NR3C2: variants seen among roughly 807,000 people sequenced by gnomAD.
NR3C2 encodes the protein nuclear receptor subfamily 3 group C member 2.
Under a neutral mutation model 86.4 loss-of-function variants are expected in NR3C2, and 15 were observed. The ratio of observed to expected loss-of-function variants is 0.17; its 90% CI spans 0.12 to 0.27. The LOEUF is 0.27. Ranked by LOEUF, NR3C2 falls within the 10% of genes least tolerant of loss-of-function variation. The probability of loss-of-function intolerance (pLI) is 1.00; values close to 1 mark genes in which losing one functional copy is unlikely to be tolerated. For synonymous variants in NR3C2, 458 were observed against 450.5 expected (o/e 1.02, Z -0.21); for missense variants, 960 against 1,195.6 (o/e 0.80, Z 2.91).
At chr4:148,182,659 C>T (rs535506691) in intron 4 of NR3C2, among the ~76,000 whole-genome samples, 1 of 152,278 alleles carries the variant, frequency 6.6e-6, no homozygotes, top group South Asian at 2.1e-4. Flanking sequence ...ACTGCAGATG[C>T]CAGCTAAACA....
chr4:148,136,335 GTGGGGGACCAGTCA>G (rs1733342162), intron 6 of NR3C2, among the ~76,000 whole-genome samples: 1 of 151,706 alleles, frequency 6.6e-6, no homozygotes, highest in Non-Finnish European at 1.5e-5. Flanking sequence ...AGGAGAAAGA[GTGGGGGACCAGTCA>G]TGGAGAGAAG....
chr4:148,251,287 C>G (rs760488162), intron 3 of NR3C2, among the ~76,000 whole-genome samples: 4 of 152,248 alleles, frequency 2.6e-5, no homozygotes, highest in African/African-American at 4.8e-5. Flanking sequence ...CTTCCATCAC[C>G]TGCCTCCTCT....
In NR3C2 at chr4:148,167,094, A is replaced by G. The variant is rs188213892; in HGVS notation, c.2015-12193T>C. Reference sequence around the variant, plus strand: ...CTTCATTTAAAACAAAGTCTGCTGCATGTGGTGATTTTCACACTTATATTC... The same window carrying G: ...CTTCATTTAAAACAAAGTCTGCTGCGTGTGGTGATTTTCACACTTATATTC... On this transcript the variant is annotated intron_variant, in intron 4 of 8. Transcript: ENST00000358102. Among the ~76,000 whole-genome samples, 207 of 152,292 alleles carry G rather than the reference A, an allele frequency of 1.4e-3. 1 individual carries two copies. The highest frequency in any genetic ancestry group is 4.7e-3 in the African/African-American group (196 of 41,574).
intron 2 of NR3C2, among the ~76,000 whole-genome samples, chr4:148,265,937 C>T (rs924431757): frequency 2.0e-5 from 3 of 151,470 alleles, no homozygotes; most frequent in Non-Finnish European, 2.9e-5. Context: ...ATAGTCATGG[C>T]GAATAGAGAG....
chr4:148,169,294 T>TC (rs1735019045), intron 4 of NR3C2, among the ~76,000 whole-genome samples: 1 of 152,174 alleles, frequency 6.6e-6, no homozygotes. Flanking sequence ...ACTTTTTTTT[T>TC]CTCACTTGGT....
chr4:148,351,776 T>G (rs1297270964), intron 2 of NR3C2, among the ~76,000 whole-genome samples: 1 of 152,120 alleles, frequency 6.6e-6, no homozygotes, highest in Non-Finnish European at 1.5e-5. Context: ...AAACTCAGAG[T>G]CTAGGTTTCA....
chr4:148,105,352 A>G, intron 8 of NR3C2, among the ~76,000 whole-genome samples: 1 of 152,232 alleles, frequency 6.6e-6, no homozygotes, highest in East Asian at 1.9e-4. Flanking sequence ...TGAATAGACC[A>G]ATAACTAGTT....
intron 2 of NR3C2, among the ~76,000 whole-genome samples, chr4:148,429,831 C>A (rs112684156): frequency 6.6e-6 from 1 of 152,214 alleles, no homozygotes; most frequent in East Asian, 1.9e-4. Context: ...AATCAAGAAG[C>A]TAATATTTTT....
At chr4:148,426,795 T>C (rs1485355024) in intron 2 of NR3C2, among the ~76,000 whole-genome samples, 4 of 152,124 alleles carry the variant, frequency 2.6e-5, no homozygotes, top group African/African-American at 4.8e-5. Flanking sequence ...ACTCCCTCAA[T>C]TGCAATTTCT....
At chr4:148,241,623 C>CG (rs1249989823) in intron 3 of NR3C2, among the ~76,000 whole-genome samples, 1 of 152,152 alleles carries the variant, frequency 6.6e-6, no homozygotes, top group African/African-American at 2.4e-5. Context: ...TTCCCTTGCA[C>CG]TTTACCTGCG....
chr4:148,394,352 C>A (rs1437453868), intron 2 of NR3C2, among the ~76,000 whole-genome samples: 1 of 151,750 alleles, frequency 6.6e-6, no homozygotes, highest in African/African-American at 2.4e-5. Flanking sequence ...GAAATTGGTA[C>A]CAGAAAGTAC....
chr4:148,316,084 T>C (rs1044938190), intron 2 of NR3C2, among the ~76,000 whole-genome samples: 3 of 152,100 alleles, frequency 2.0e-5, no homozygotes, highest in Non-Finnish European at 4.4e-5. Flanking sequence ...AAACATGACA[T>C]AGGATTTAAG....
intron 7 of NR3C2, among the ~76,000 whole-genome samples, chr4:148,118,961 C>CT (rs1732390124): frequency 6.6e-6 from 1 of 152,178 alleles, no homozygotes; most frequent in African/African-American, 2.4e-5. Flanking sequence ...GCTAAGTTCT[C>CT]TGTCTCTGCC....
At chr4:148,255,792 A>G (rs1315846570) in intron 3 of NR3C2, among the ~76,000 whole-genome samples, 1 of 152,236 alleles carries the variant, frequency 6.6e-6, no homozygotes, top group Non-Finnish European at 1.5e-5. Flanking sequence ...AACTAATGGC[A>G]ATTTACAGTT....
intron 2 of NR3C2, among the ~76,000 whole-genome samples, chr4:148,328,786 A>C (rs987523193): frequency 3.9e-5 from 6 of 152,246 alleles, no homozygotes; most frequent in African/African-American, 1.4e-4. Context: ...GTGCTGGCTT[A>C]AAGAATTTAT....
At chr4:148,084,229 G>C (rs978315530) in intron 8 of NR3C2, among the ~76,000 whole-genome samples, 1 of 151,390 alleles carries the variant, frequency 6.6e-6, no homozygotes, top group Non-Finnish European at 1.5e-5. Flanking sequence ...GATTCGCCAA[G>C]GTTGAAATGA....
chr4:148,413,803 TAA>T (rs1250595294), intron 2 of NR3C2, among the ~76,000 whole-genome samples: 25 of 152,134 alleles, frequency 1.6e-4, no homozygotes, highest in Non-Finnish European at 2.9e-4. Context: ...ATACAAAGCG[TAA>T]GCAAGGATGT....
At chr4:148,192,051 T>C (rs28837820) in intron 4 of NR3C2, among the ~76,000 whole-genome samples, 5,291 of 152,276 alleles carry the variant, frequency 0.035, 309 homozygotes, top group African/African-American at 0.12. Context: ...TTCTGGGGTG[T>C]TGAAGAGCCT....
chr4:148,412,833 A>ACC (rs1203947362), intron 2 of NR3C2, among the ~76,000 whole-genome samples: 1 of 121,478 alleles, frequency 8.2e-6, no homozygotes, highest in Non-Finnish European at 1.8e-5. Flanking sequence ...ACACACACAC[A>ACC]CACACACACC....
Sources: allele counts gnomAD v4.1 joint callset (sites outside exome capture counted in the v4.1 genomes callset), GRCh38; gene constraint gnomAD v4.1.1; transcripts MANE v1.5; gene names NCBI Gene and HGNC (gene_info 2026-07-23, HGNC 2026-07-21).